UBE2E2: variants seen among roughly 807,000 people sequenced by gnomAD.
UBE2E2 encodes ubiquitin-conjugating enzyme E2 E2.
A neutral mutation model predicts 24.7 loss-of-function variants in UBE2E2; 6 were observed. That is an observed-to-expected ratio of 0.24 (90% CI 0.13 to 0.48). UBE2E2 has a LOEUF of 0.48. UBE2E2 is among the 20% of genes least tolerant of loss of function. The probability of loss-of-function intolerance (pLI) is 0.99; values close to 1 mark genes in which losing one functional copy is unlikely to be tolerated. For synonymous variants in UBE2E2, 104 were observed against 83.6 expected (o/e 1.24, Z -1.33); for missense variants, 169 against 245.0 (o/e 0.69, Z 2.07).
intron 3 of UBE2E2, among the ~76,000 whole-genome samples, chr3:23,246,612 G>A (rs1266269918): frequency 6.6e-6 from 1 of 151,806 alleles, no homozygotes; most frequent in Non-Finnish European, 1.5e-5. Flanking sequence ...TTAAATTCCT[G>A]GGCTCAAACA....
chr3:23,591,216 A>G lies in UBE2E2; in HGVS notation c.*1385A>G, dbSNP rs1183549958. 2 of 152,136 alleles carry G rather than the reference A, an allele frequency of 1.3e-5. No individual in the cohort carries two copies. The highest frequency in any genetic ancestry group is 2.9e-5 in the Non-Finnish European group (2 of 68,018). 9.4% of individuals were successfully genotyped at this position (152,136 alleles called of 1,614,324 possible). A position where few individuals can be genotyped will look rare whatever the true frequency, so the allele number is the denominator to read the frequency against. ...TATTAGTGTAACAAAGCGTAGTGGA[A>G]ACTCCTACTCCTGCTGCACCATACA... On this transcript the variant is annotated 3_prime_UTR_variant, in exon 6 of 6. Transcript: ENST00000396703.
intron 5 of UBE2E2, among the ~76,000 whole-genome samples, chr3:23,556,140 C>CTT (rs71057604): frequency 0.011 from 999 of 92,262 alleles, 6 homozygotes; most frequent in Non-Finnish European, 0.013. Context: ...AATATACAAA[C>CTT]TTTTTTTTTT....
chr3:23,354,550 C>T (rs898686897), intron 3 of UBE2E2, among the ~76,000 whole-genome samples: 2 of 152,008 alleles, frequency 1.3e-5, no homozygotes, highest in African/African-American at 4.8e-5. Context: ...AAAACAACCC[C>T]ATCAAAAAGT....
At chr3:23,477,289 T>C (rs188698559) in intron 3 of UBE2E2, among the ~76,000 whole-genome samples, 33 of 152,338 alleles carry the variant, frequency 2.2e-4, no homozygotes, top group African/African-American at 6.3e-4. Context: ...AGTTTTGAAA[T>C]AGAAAAATGC....
chr3:23,384,236 C>T (rs1263394587), intron 3 of UBE2E2, among the ~76,000 whole-genome samples: 1 of 152,196 alleles, frequency 6.6e-6, no homozygotes, highest in African/African-American at 2.4e-5. Flanking sequence ...GAGCATGGCT[C>T]ACTACAGCCT....
intron 3 of UBE2E2, among the ~76,000 whole-genome samples, chr3:23,400,311 A>G (rs1397971170): frequency 6.6e-6 from 1 of 152,184 alleles, no homozygotes; most frequent in Non-Finnish European, 1.5e-5. Flanking sequence ...CGGAAAACGG[A>G]TAAAAAGGAA....
chr3:23,417,408 T>A (rs1451317347), intron 3 of UBE2E2, among the ~76,000 whole-genome samples: 14 of 152,192 alleles, frequency 9.2e-5, no homozygotes, highest in Non-Finnish European at 2.1e-4. Context: ...TGCTGCCTGT[T>A]CCTTCCTCTG....
chr3:23,451,268 C>T (rs868624828), intron 3 of UBE2E2, among the ~76,000 whole-genome samples: 3 of 152,024 alleles, frequency 2.0e-5, no homozygotes, highest in South Asian at 2.1e-4. Context: ...TCAAATTTGT[C>T]CTGCTATCCA....
chr3:23,283,950 T>C (rs187746156), intron 3 of UBE2E2, among the ~76,000 whole-genome samples: 10 of 152,314 alleles, frequency 6.6e-5, no homozygotes, highest in South Asian at 6.2e-4. Flanking sequence ...TTAGATACTT[T>C]TGCAGTTTGA....
At chr3:23,578,359 G>A (rs1056522416) in intron 5 of UBE2E2, among the ~76,000 whole-genome samples, 2 of 152,162 alleles carry the variant, frequency 1.3e-5, no homozygotes, top group Admixed American at 6.5e-5. Context: ...CAACCATTGT[G>A]GAAGACAGTG....
intron 4 of UBE2E2, among the ~76,000 whole-genome samples, chr3:23,508,928 C>T (rs1256446514): frequency 6.6e-6 from 1 of 152,176 alleles, no homozygotes; most frequent in African/African-American, 2.4e-5. Context: ...AGGTTCAACT[C>T]ACTTACCAAA....
At chr3:23,485,732 G>A (rs917208652) in intron 3 of UBE2E2, among the ~76,000 whole-genome samples, 1 of 152,202 alleles carries the variant, frequency 6.6e-6, no homozygotes, top group Non-Finnish European at 1.5e-5. Context: ...ACCAAGAATG[G>A]TGGGACTTAT....
At chr3:23,417,565 TAGCAG>T in intron 3 of UBE2E2, among the ~76,000 whole-genome samples, 1 of 152,304 alleles carries the variant, frequency 6.6e-6, no homozygotes, top group Non-Finnish European at 1.5e-5. Flanking sequence ...GTCTGTCCCT[TAGCAG>T]AGCTCGAGGG....
At chr3:23,381,877 C>T (rs1362481545) in intron 3 of UBE2E2, among the ~76,000 whole-genome samples, 1 of 152,004 alleles carries the variant, frequency 6.6e-6, no homozygotes, top group Non-Finnish European at 1.5e-5. Flanking sequence ...GCTGCTTTGC[C>T]CCGGAGAGTG....
At chr3:23,208,389 T>C (rs1263930326) in intron 1 of UBE2E2, among the ~76,000 whole-genome samples, 5 of 152,224 alleles carry the variant, frequency 3.3e-5, no homozygotes, top group African/African-American at 1.2e-4. Context: ...AATATACTAC[T>C]ATATTTTGTT....
chr3:23,531,650 C>T (rs1320354596), intron 4 of UBE2E2, among the ~76,000 whole-genome samples: 1 of 152,264 alleles, frequency 6.6e-6, no homozygotes, highest in East Asian at 1.9e-4. Flanking sequence ...TTCTAAATTA[C>T]AGCTAATTGT....
At chr3:23,587,480 A>G (rs1169476258) in intron 5 of UBE2E2, among the ~76,000 whole-genome samples, 2 of 152,222 alleles carry the variant, frequency 1.3e-5, no homozygotes, top group African/African-American at 4.8e-5. Context: ...ATGGATCTTC[A>G]ATGTGTTTCA....
intron 3 of UBE2E2, among the ~76,000 whole-genome samples, chr3:23,342,658 A>T (rs567609326): frequency 6.6e-6 from 1 of 152,278 alleles, no homozygotes; most frequent in Admixed American, 6.5e-5. Flanking sequence ...GTATATTTAA[A>T]CATTCCTGAC....
intron 3 of UBE2E2, among the ~76,000 whole-genome samples, chr3:23,237,022 C>T (rs942878574): frequency 9.2e-5 from 14 of 152,260 alleles, no homozygotes; most frequent in African/African-American, 9.6e-5. Flanking sequence ...CAGTATTACA[C>T]GGTGGTTTCT....
Sources: allele counts gnomAD v4.1 joint callset (sites outside exome capture counted in the v4.1 genomes callset), GRCh38; gene constraint gnomAD v4.1.1; transcripts MANE v1.5; gene names NCBI Gene and HGNC (gene_info 2026-07-23, HGNC 2026-07-21).